PLXNA4: variants seen among roughly 807,000 people sequenced by gnomAD.
PLXNA4 encodes plexin A4, also known as plexin-A4.
A neutral mutation model predicts 191.8 loss-of-function variants in PLXNA4; 44 were observed. That is an observed-to-expected ratio of 0.23 (90% CI 0.18 to 0.29). The LOEUF is 0.29. Ranked by LOEUF, PLXNA4 falls within the 10% of genes least tolerant of loss-of-function variation. The pLI is 1.00. For missense variants in PLXNA4, 1,800 were observed against 2,488.8 expected (o/e 0.72, Z 5.89); for synonymous variants, 1,082 against 1,009.5 (o/e 1.07, Z -1.36).
intron 3 of PLXNA4, among the ~76,000 whole-genome samples, chr7:132,465,300 A>G (rs1376972243): frequency 6.6e-6 from 1 of 152,230 alleles, no homozygotes; most frequent in Admixed American, 6.5e-5. Context: ...CTGAGAGGGA[A>G]GCTCTGAAAC....
chr7:132,262,129 C>A (rs983902223), intron 4 of PLXNA4, among the ~76,000 whole-genome samples: 4 of 152,162 alleles, frequency 2.6e-5, no homozygotes, highest in Non-Finnish European at 5.9e-5. Context: ...TGAACTTGAC[C>A]CAGCCCTTCC....
At chr7:132,546,782 AC>A (rs1171815786) in intron 1 of PLXNA4, among the ~76,000 whole-genome samples, 1 of 152,046 alleles carries the variant, frequency 6.6e-6, no homozygotes, top group African/African-American at 2.4e-5. Flanking sequence ...TGCTCCTAAC[AC>A]CCTTGTCGAT....
At chr7:132,305,257 G>A (rs1175470711) in intron 3 of PLXNA4, among the ~76,000 whole-genome samples, 1 of 152,062 alleles carries the variant, frequency 6.6e-6, no homozygotes, top group African/African-American at 2.4e-5. Flanking sequence ...GAGGCCACAT[G>A]AGCACTTAAG....
chr7:132,130,898 T>G (rs1180357119), intron 31 of PLXNA4, among the ~76,000 whole-genome samples: 1 of 152,218 alleles, frequency 6.6e-6, no homozygotes, highest in Non-Finnish European at 1.5e-5. Context: ...TGTGCCGAGA[T>G]GCTGCAGTTA....
In PLXNA4 at chr7:132,181,448, G is replaced by C. The variant is rs753895846; in HGVS notation, c.3425C>G (p.Pro1142Arg). 1 of 1,613,464 alleles carries C rather than the reference G, an allele frequency of 6.2e-7. No individual in the cohort carries two copies. The highest frequency in any genetic ancestry group is 1.7e-5 in the Admixed American group (1 of 59,990). ...NKTNFTYYPN[P>R]VFEAFGPSGI... ...TGAGGGACCAAAGGCCTCAAACACC[G>C]GGTTGGGATAGTAGGTGAAGTTGGT... is the stretch of plus-strand genomic sequence containing the variant. The change falls in exon 18 of 32, where the codon CCG (proline) becomes CGG (arginine). Residue 1142 changes from proline to arginine, a missense_variant. Pro to Arg is a moderately radical substitution (Grantham distance 103). Coordinates refer to ENST00000321063, the MANE Select transcript of PLXNA4 (RefSeq NM_020911.2).
intron 2 of PLXNA4, among the ~76,000 whole-genome samples, chr7:132,621,121 A>T (rs554805005): frequency 6.6e-6 from 1 of 152,270 alleles, no homozygotes; most frequent in South Asian, 2.1e-4. Context: ...AATTTTAGGG[A>T]GACAAAAGCA....
chr7:132,494,892 C>T (rs1797947835), intron 2 of PLXNA4, among the ~76,000 whole-genome samples: 1 of 152,138 alleles, frequency 6.6e-6, no homozygotes, highest in Non-Finnish European at 1.5e-5. Context: ...CTGCCACTGC[C>T]CAAGGACCCC....
At chr7:132,155,975 A>T (rs958760679) in intron 25 of PLXNA4, among the ~76,000 whole-genome samples, 1 of 152,100 alleles carries the variant, frequency 6.6e-6, no homozygotes, top group Admixed American at 6.6e-5. Flanking sequence ...AGAAAGTGGG[A>T]ATTCTGCCAG....
intron 2 of PLXNA4, among the ~76,000 whole-genome samples, chr7:132,645,480 A>T: frequency 6.6e-6 from 1 of 152,106 alleles, no homozygotes; most frequent in East Asian, 1.9e-4. Context: ...GCCATATGGA[A>T]CTGTGAGTCA....
chr7:132,449,407 CA>C (rs1796034332), intron 3 of PLXNA4, among the ~76,000 whole-genome samples: 1 of 152,210 alleles, frequency 6.6e-6, no homozygotes, highest in African/African-American at 2.4e-5. Context: ...ACCATGTCCA[CA>C]TTCAGAAGTG....
intron 2 of PLXNA4, among the ~76,000 whole-genome samples, chr7:132,503,559 C>A (rs1302843153): frequency 6.6e-6 from 1 of 152,208 alleles, no homozygotes; most frequent in Non-Finnish European, 1.5e-5. Context: ...GGTCCTGGCA[C>A]ATGACAGAGG....
intron 13 of PLXNA4, among the ~76,000 whole-genome samples, chr7:132,196,882 A>G (rs1467628706): frequency 6.6e-6 from 1 of 152,176 alleles, no homozygotes; most frequent in African/African-American, 2.4e-5. Flanking sequence ...TATCTCATAA[A>G]TTGTACGTTC....
intron 3 of PLXNA4, among the ~76,000 whole-genome samples, chr7:132,437,615 G>T (rs139094524): frequency 6.7e-6 from 1 of 149,114 alleles, no homozygotes; most frequent in African/African-American, 2.5e-5. Flanking sequence ...TGTACCCTCC[G>T]CACCAAGAGA....
rs1803719606 is a variant in PLXNA4, at chr7:132,640,457, A to T, written c.-87+5471T>A. 2.1e-4 allele frequency among the ~76,000 whole-genome samples: 32 copies of T among 152,340 alleles called. No individual in the cohort carries two copies. In the South Asian group the frequency reaches 6.4e-3, roughly 31 times the overall value. ...GAGGTAATTAAGGTTAAATGAGGTC[A>T]TATGACTGGTGTCCTTATAAGAATA... is the stretch of plus-strand genomic sequence containing the variant. On this transcript the variant is annotated intron_variant, in intron 2 of 4. Transcript: ENST00000378539.
intron 9 of PLXNA4, among the ~76,000 whole-genome samples, chr7:132,217,852 TG>T (rs1166614666): frequency 7.9e-6 from 1 of 126,514 alleles, no homozygotes; most frequent in Non-Finnish European, 1.6e-5. Flanking sequence ...ATACCTGGAG[TG>T]GGGGTGGTGC....
chr7:132,385,690 A>G (rs1433320462), intron 3 of PLXNA4, among the ~76,000 whole-genome samples: 3 of 152,204 alleles, frequency 2.0e-5, no homozygotes, highest in African/African-American at 7.2e-5. Flanking sequence ...CTTTTTATCC[A>G]AAGGTGAGCA....
chr7:132,535,062 T>C (rs1411632768), intron 1 of PLXNA4, among the ~76,000 whole-genome samples: 3 of 152,146 alleles, frequency 2.0e-5, no homozygotes, highest in East Asian at 3.9e-4. Context: ...TGGTAATCAA[T>C]AAGAAAATGA....
At chr7:132,318,960 C>A (rs1031723100) in intron 3 of PLXNA4, among the ~76,000 whole-genome samples, 9 of 152,118 alleles carry the variant, frequency 5.9e-5, no homozygotes, top group African/African-American at 2.2e-4. Flanking sequence ...TGACTCCAGT[C>A]CTGTGACGCC....
At position 132,129,639 on chromosome 7, in the gene PLXNA4, T is replaced by C. The variant is rs1175136690; in HGVS notation, c.*840A>G. Reference sequence around the variant, plus strand: ...TGGAAAACAAATTCTGCTTCCAGGGTAGATGCAACTCTCTTTCCTTTTCTC... The same window carrying C: ...TGGAAAACAAATTCTGCTTCCAGGGCAGATGCAACTCTCTTTCCTTTTCTC... On this transcript the variant is annotated 3_prime_UTR_variant, in exon 32 of 32. Transcript: ENST00000321063. 6.6e-6 allele frequency: 1 copy of C among 152,646 alleles called. No homozygotes were observed. Among genetic ancestry groups the C allele is most frequent in the East Asian group, 1.9e-4 (1 of 5,196 alleles). The allele number at this position is 152,646 out of a possible 1,614,324, so 9.5% of individuals were successfully genotyped here. A position where few individuals can be genotyped will look rare whatever the true frequency, so the allele number is the denominator to read the frequency against.
Sources: allele counts gnomAD v4.1 joint callset (sites outside exome capture counted in the v4.1 genomes callset), GRCh38; gene constraint gnomAD v4.1.1; transcripts MANE v1.5; gene names NCBI Gene and HGNC (gene_info 2026-07-23, HGNC 2026-07-21).